GPC5: variants seen among roughly 807,000 people sequenced by gnomAD.
GPC5 encodes the protein glypican 5, also known as glypican-5.
A neutral mutation model predicts 53.9 loss-of-function variants in GPC5; 47 were observed. The ratio of observed to expected loss-of-function variants is 0.87; its 90% confidence interval spans 0.69 to 1.11. GPC5 has a LOEUF of 1.11. Among genes scored for constraint, GPC5 ranks in the 50% most tolerant of loss-of-function variants. GPC5 has a pLI of 0.00. For missense variants in GPC5, 748 were observed against 713.1 expected (o/e 1.05, Z -0.56); for synonymous variants, 286 against 263.3 (o/e 1.09, Z -0.84).
At chr13:92,720,850 A>C (rs1039756832) in intron 7 of GPC5, among the ~76,000 whole-genome samples, 1 of 152,158 alleles carries the variant, frequency 6.6e-6, no homozygotes, top group African/African-American at 2.4e-5. Context: ...TAAAATCAAG[A>C]ATCATCTACC....
chr13:91,785,829 A>T (rs2037868697), intron 5 of GPC5, among the ~76,000 whole-genome samples: 1 of 152,160 alleles, frequency 6.6e-6, no homozygotes. Context: ...CCCTGATGTG[A>T]TACACTATCA....
intron 6 of GPC5, among the ~76,000 whole-genome samples, chr13:92,074,856 C>A (rs2041240219): frequency 6.6e-6 from 1 of 152,302 alleles, no homozygotes; most frequent in Admixed American, 6.5e-5. Flanking sequence ...TTAAACTCTG[C>A]CATCTGCTGG....
At chr13:92,492,355 A>AG (rs965547577) in intron 7 of GPC5, among the ~76,000 whole-genome samples, 4 of 151,186 alleles carry the variant, frequency 2.6e-5, no homozygotes, top group African/African-American at 7.3e-5. Flanking sequence ...GGGGTGGGAG[A>AG]GGGGGGAGGG....
chr13:92,652,499 G>C (rs1885990348), intron 7 of GPC5, among the ~76,000 whole-genome samples: 1 of 152,042 alleles, frequency 6.6e-6, no homozygotes, highest in Admixed American at 6.6e-5. Flanking sequence ...ACTGCAGGCT[G>C]TCTTCTGCCT....
intron 7 of GPC5, among the ~76,000 whole-genome samples, chr13:92,411,519 A>C (rs938395180): frequency 8.5e-5 from 13 of 152,208 alleles, no homozygotes; most frequent in African/African-American, 2.4e-4. Context: ...ATTTTGATTT[A>C]TGGTAAATGA....
At position 92,440,966 on chromosome 13, in the gene GPC5, T is replaced by G. The variant is rs1051705334; in HGVS notation, c.1561+295977T>G. On this transcript the variant is annotated intron_variant, in intron 7 of 7. Transcript: ENST00000377067. ...TTCTGGATATTAGACCTTTGTTGGA[T>G]GCAGAGTGTGGGAGTATTTTCTGTA... Among the ~76,000 whole-genome samples the G allele has an allele frequency of 2.6e-5, 4 of 152,318 alleles. No individual in the cohort carries two copies. The South Asian group carries it at 8.3e-4, about 32-fold the overall frequency.
intron 7 of GPC5, among the ~76,000 whole-genome samples, chr13:92,386,477 C>A (rs974150189): frequency 6.6e-6 from 1 of 152,026 alleles, no homozygotes; most frequent in African/African-American, 2.4e-5. Context: ...GCATAAATCT[C>A]TACCCTACTC....
chr13:91,849,454 C>T (rs1185870443), intron 5 of GPC5, among the ~76,000 whole-genome samples: 1 of 152,002 alleles, frequency 6.6e-6, no homozygotes, highest in Non-Finnish European at 1.5e-5. Flanking sequence ...TATTTTATAC[C>T]TTCCAGTATT....
chr13:92,655,544 A>T (rs959358812), intron 7 of GPC5, among the ~76,000 whole-genome samples: 13 of 152,140 alleles, frequency 8.5e-5, no homozygotes, highest in African/African-American at 3.1e-4. Context: ...CATGTTGGCC[A>T]GGATGGTTTC....
At chr13:92,538,774 C>G in intron 7 of GPC5, among the ~76,000 whole-genome samples, 1 of 63,064 alleles carries the variant, frequency 1.6e-5, no homozygotes. Flanking sequence ...CATCCATGTC[C>G]CTGCAAAGGA....
chr13:92,490,934 A>G (rs962952917), intron 7 of GPC5, among the ~76,000 whole-genome samples: 1 of 152,100 alleles, frequency 6.6e-6, no homozygotes, highest in Non-Finnish European at 1.5e-5. Flanking sequence ...AAATTTATAC[A>G]GGAATAACTG....
At chr13:91,512,388 T>C (rs1477342530) in intron 2 of GPC5, among the ~76,000 whole-genome samples, 1 of 152,178 alleles carries the variant, frequency 6.6e-6, no homozygotes, top group Non-Finnish European at 1.5e-5. Context: ...CTTGAAGTCC[T>C]AGAGTATCTT....
intron 7 of GPC5, among the ~76,000 whole-genome samples, chr13:92,602,870 A>G (rs920958713): frequency 8.5e-5 from 13 of 152,150 alleles, no homozygotes; most frequent in Non-Finnish European, 1.8e-4. Context: ...ACAAGAAGAT[A>G]CAAAGCAGTA....
chr13:92,512,345 G>A (rs867287860), intron 7 of GPC5, among the ~76,000 whole-genome samples: 1 of 151,998 alleles, frequency 6.6e-6, no homozygotes, highest in Non-Finnish European at 1.5e-5. Flanking sequence ...GTGACAAGTG[G>A]GGAGAAGCTA....
intron 7 of GPC5, among the ~76,000 whole-genome samples, chr13:92,768,823 C>T (rs771406243): frequency 7.3e-5 from 11 of 151,562 alleles, no homozygotes; most frequent in African/African-American, 1.2e-4. Context: ...CTCCCAGCTG[C>T]AATTTATCTA....
In GPC5 at chr13:92,095,868, G is replaced by T. The variant is rs544641550; in HGVS notation, c.1402-48962G>T. Among the ~76,000 whole-genome samples the T allele has an allele frequency of 8.0e-4, 122 of 152,126 alleles. 1 individual carries two copies. In the Middle Eastern group the frequency reaches 0.031, roughly 38 times the overall value. ...TATTTAAAAATCCACCTGTGCAATTGGTATTCACAGAACTCTCCCATATAT... is the reference window on the plus strand; with the variant it reads ...TATTTAAAAATCCACCTGTGCAATTTGTATTCACAGAACTCTCCCATATAT... On this transcript the variant is annotated intron_variant, in intron 6 of 7. Transcript: ENST00000377067.
At chr13:92,657,945 T>C (rs1301172510) in intron 7 of GPC5, among the ~76,000 whole-genome samples, 7 of 152,188 alleles carry the variant, frequency 4.6e-5, no homozygotes, top group Non-Finnish European at 7.4e-5. Flanking sequence ...ATCATACTTC[T>C]CTAAGCAAAT....
intron 6 of GPC5, among the ~76,000 whole-genome samples, chr13:91,974,918 A>G (rs1477589647): frequency 2.0e-5 from 3 of 152,208 alleles, no homozygotes; most frequent in Non-Finnish European, 1.5e-5. Context: ...GTACCAAAAC[A>G]GAGATATAGA....
chr13:92,585,247 A>C (rs566125384), intron 7 of GPC5, among the ~76,000 whole-genome samples: 2 of 152,170 alleles, frequency 1.3e-5, no homozygotes, highest in Admixed American at 1.3e-4. Flanking sequence ...GATGGAGGCT[A>C]TACCCAGCAA....
Sources: gnomAD v4.1 joint callset for allele counts (sites outside exome capture counted in the v4.1 genomes callset) on GRCh38, gnomAD v4.1.1 for gene constraint, MANE v1.5 for transcripts, NCBI Gene and HGNC (gene_info 2026-07-23, HGNC 2026-07-21) for gene names.